NMNAT2: variants seen among roughly 807,000 people sequenced by gnomAD.
NMNAT2 encodes the protein nicotinamide nucleotide adenylyltransferase 2.
In NMNAT2, 11 loss-of-function variants were observed where a neutral mutation model predicts 41.6. The ratio of observed to expected loss-of-function variants is 0.26; its 90% CI spans 0.17 to 0.44. The LOEUF is 0.44. NMNAT2 is among the 20% of genes least tolerant of loss of function. The pLI is 1.00. For synonymous variants in NMNAT2, 148 were observed against 151.2 expected, an observed-to-expected ratio of 0.98 and a Z score of 0.16; for missense variants, 288 against 407.7, an observed-to-expected ratio of 0.71 and a Z score of 2.53.
At chr1:183,377,751 C>T (rs139260500) in intron 1 of NMNAT2, among the ~76,000 whole-genome samples, 2 of 152,180 alleles carry the variant, frequency 1.3e-5, no homozygotes, top group Admixed American at 6.5e-5. Flanking sequence ...CAAAGAAAAA[C>T]GAAGTCTGAA....
intron 1 of NMNAT2, among the ~76,000 whole-genome samples, chr1:183,371,509 T>C (rs1663542666): frequency 6.6e-6 from 1 of 152,188 alleles, no homozygotes; most frequent in South Asian, 2.1e-4. Flanking sequence ...CTGTAATTAA[T>C]GTACCCCTCT....
intron 1 of NMNAT2, among the ~76,000 whole-genome samples, chr1:183,323,344 T>C (rs1334080716): frequency 1.3e-5 from 2 of 152,190 alleles, no homozygotes; most frequent in Non-Finnish European, 2.9e-5. Flanking sequence ...CAGGGAGTTA[T>C]CCTTGCTTCC....
chr1:183,383,939 T>C (rs1663856375), intron 1 of NMNAT2, among the ~76,000 whole-genome samples: 1 of 152,238 alleles, frequency 6.6e-6, no homozygotes, highest in Non-Finnish European at 1.5e-5. Context: ...TGCTTCCACA[T>C]TTTCAGTTAT....
At chr1:183,275,410 C>A (rs1231438990) in intron 8 of NMNAT2, among the ~76,000 whole-genome samples, 6 of 151,960 alleles carry the variant, frequency 3.9e-5, no homozygotes, top group Admixed American at 3.9e-4. Context: ...GGGGACTGAG[C>A]AGTTGGCTGG....
chr1:183,280,068 G>C (rs1024626014), intron 7 of NMNAT2, among the ~76,000 whole-genome samples: 5 of 152,196 alleles, frequency 3.3e-5, no homozygotes, highest in African/African-American at 1.2e-4. Context: ...GGGTCACTGG[G>C]GAGAATGTTT....
chr1:183,363,225 G>A (rs1034899678), intron 1 of NMNAT2, among the ~76,000 whole-genome samples: 2 of 152,174 alleles, frequency 1.3e-5, no homozygotes, highest in Non-Finnish European at 2.9e-5. Context: ...TACTTGACCT[G>A]TATTTCATTC....
chr1:183,345,024 C>A (rs1662896578), intron 1 of NMNAT2, among the ~76,000 whole-genome samples: 1 of 152,200 alleles, frequency 6.6e-6, no homozygotes, highest in Admixed American at 6.5e-5. Flanking sequence ...ACTGCTCTTC[C>A]AAGGACCCCA....
chr1:183,404,071 A>G (rs1648888781), intron 1 of NMNAT2, among the ~76,000 whole-genome samples: 1 of 151,966 alleles, frequency 6.6e-6, no homozygotes, highest in East Asian at 1.9e-4. Context: ...CAAACTGATA[A>G]TAATTCAGGC....
intron 1 of NMNAT2, among the ~76,000 whole-genome samples, chr1:183,391,154 T>G (rs2101921496): frequency 6.6e-6 from 1 of 152,274 alleles, no homozygotes; most frequent in South Asian, 2.1e-4. Context: ...TCTCTGCTTC[T>G]TTTGCCTGCT....
intron 1 of NMNAT2, among the ~76,000 whole-genome samples, chr1:183,319,957 C>A (rs1662326099): frequency 6.6e-6 from 1 of 152,212 alleles, no homozygotes; most frequent in Admixed American, 6.5e-5. Context: ...CAGCCTCTCC[C>A]CTTCTCTGCC....
Position 183,286,943 on chromosome 1 carries a change from G to A in NMNAT2, c.322-155C>T, listed in dbSNP as rs12066748. 2.7e-4 allele frequency among the ~76,000 whole-genome samples: 41 copies of A among 152,146 alleles called. 1 individual carries two copies. The highest frequency in any genetic ancestry group is 8.9e-4 in the African/African-American group (37 of 41,450). On this transcript the variant is annotated intron_variant, in intron 4 of 10. Transcript: ENST00000287713. The stretch of plus-strand genomic sequence containing the variant: ...GTTCTAGACCCAGCTGCATCATGTG[G>A]TCACTAGGCTGGCAGGAGCAGCTCA...
Position 183,366,607 on chromosome 1 carries a change from A to G in NMNAT2, c.85+51576T>C, listed in dbSNP as rs144251753. ...GTCTTTGAGACATGGTAAGAAGGTA[A>G]AATGGAATAGATATTAATAGAATGG... On this transcript the variant is annotated intron_variant, in intron 1 of 10. Transcript: ENST00000287713. 3.9e-4 allele frequency among the ~76,000 whole-genome samples: 60 copies of G among 152,338 alleles called. 2 individuals are homozygous for G. The East Asian group carries it at 0.011, about 27-fold the overall frequency.
At chr1:183,389,223 C>T (rs1357583500) in intron 1 of NMNAT2, among the ~76,000 whole-genome samples, 4 of 152,164 alleles carry the variant, frequency 2.6e-5, no homozygotes, top group Non-Finnish European at 2.9e-5. Context: ...TCTATATCCC[C>T]CTTATTATTC....
intron 1 of NMNAT2, among the ~76,000 whole-genome samples, chr1:183,340,826 A>G (rs1207986925): frequency 6.6e-6 from 1 of 152,232 alleles, no homozygotes. Flanking sequence ...TGATGGCAGG[A>G]GAGCAAAAGG....
At chr1:183,389,733 CAAAAAAGA>C (rs1648381780) in intron 1 of NMNAT2, among the ~76,000 whole-genome samples, 1 of 112,702 alleles carries the variant, frequency 8.9e-6, no homozygotes, top group Non-Finnish European at 1.8e-5. Flanking sequence ...AAGACCCTGT[CAAAAAAGA>C]AAGAAAGAAA....
intron 8 of NMNAT2, among the ~76,000 whole-genome samples, chr1:183,278,008 C>T (rs1661164437): frequency 6.6e-6 from 1 of 152,186 alleles, no homozygotes; most frequent in Non-Finnish European, 1.5e-5. Flanking sequence ...TTGAGATCAT[C>T]ACAGTCAGAT....
rs1229109750 is a variant in NMNAT2 at position 183,261,055 on chromosome 1, C to T, written c.768G>A (p.Val256=). The change falls in exon 10 of 11, where the codon GTG becomes GTA. Residue 256 remains valine, a synonymous_variant. Transcript: ENST00000287713. ...ILRKYKNNIM[V]VKDDINHPMS... The stretch of plus-strand genomic sequence containing the variant: ...TGGGATGGTTGATGTCATCCTTCAC[C>T]ACCATGATGTTGTTCTGAGGACAGA... 1 of 1,613,948 alleles carries T rather than the reference C, an allele frequency of 6.2e-7. No homozygotes were observed. The highest frequency in any genetic ancestry group is 2.2e-5 in the East Asian group (1 of 44,880).
chr1:183,385,428 T>C (rs1648198153), intron 1 of NMNAT2, among the ~76,000 whole-genome samples: 1 of 152,176 alleles, frequency 6.6e-6, no homozygotes, highest in Non-Finnish European at 1.5e-5. Context: ...AATACACCTA[T>C]GGAAGATAAT....
chr1:183,418,250 C>T lies in NMNAT2; in HGVS notation c.18G>A (p.Lys6=). 6.2e-7 allele frequency: 1 copy of T among 1,613,988 alleles called. No homozygotes were observed. Among genetic ancestry groups the T allele is most frequent in the Non-Finnish European group, 8.5e-7 (1 of 1,179,996 alleles). ...CGCAGGCGAGCAAGATAACGTGGGT[C>T]TTGGTGGTCTCGGTCATGGTGCAGA... MTETT[K]THVILLACGS... Residue 6 remains lysine (K), a synonymous_variant, in exon 1 of 11, where the codon AAG becomes AAA. Coordinates refer to ENST00000287713, the MANE Select transcript of NMNAT2 (RefSeq NM_015039.4).
Sources: gnomAD v4.1 joint callset for allele counts (sites outside exome capture counted in the v4.1 genomes callset) on GRCh38, gnomAD v4.1.1 for gene constraint, MANE v1.5 for transcripts, NCBI Gene and HGNC (gene_info 2026-07-23, HGNC 2026-07-21) for gene names.